The following MYO3A variants were observed in gnomAD, a reference collection of about 807,000 sequenced individuals.
MYO3A encodes myosin IIIA.
A neutral mutation model predicts 192.7 loss-of-function variants in MYO3A; 180 were observed. The observed-to-expected ratio is 0.93, with a 90% CI of 0.83 to 1.06. The LOEUF (loss-of-function observed/expected upper bound fraction) is 1.06. Ranked by LOEUF, MYO3A falls within the 50% of genes least tolerant of loss-of-function variation. The pLI, the probability that MYO3A is intolerant of heterozygous loss-of-function variation, is 0.00. For synonymous variants in MYO3A, 628 were observed against 645.3 expected (o/e 0.97, Z 0.41); for missense variants, 1,896 against 1,905.0 (o/e 1.00, Z 0.09).
At chr10:26,141,526 G>A (rs902612585) in intron 20 of MYO3A, among the ~76,000 whole-genome samples, 1 of 152,146 alleles carries the variant, frequency 6.6e-6, no homozygotes, top group Non-Finnish European at 1.5e-5. Flanking sequence ...ACAGTCAGTG[G>A]ATTTTGACAC....
intron 14 of MYO3A, among the ~76,000 whole-genome samples, chr10:26,082,242 G>T (rs1607902): frequency 0.01 from 1,584 of 152,138 alleles, 15 homozygotes; most frequent in Non-Finnish European, 0.016. Flanking sequence ...TCATTTATTT[G>T]TGTCTTCCTC....
chr10:26,115,935 T>C (rs1197385917), intron 17 of MYO3A, among the ~76,000 whole-genome samples: 2 of 152,204 alleles, frequency 1.3e-5, no homozygotes, highest in Non-Finnish European at 2.9e-5. Flanking sequence ...AAGTGTAATA[T>C]CAAATAAGTA....
At chr10:26,090,040 G>A (rs377219812) in intron 15 of MYO3A, among the ~76,000 whole-genome samples, 20 of 152,316 alleles carry the variant, frequency 1.3e-4, no homozygotes, top group Admixed American at 5.9e-4. Flanking sequence ...TGTCAGTGCC[G>A]TTGCCACCCA....
At chr10:25,989,482 A>T (rs897312653) in intron 4 of MYO3A, among the ~76,000 whole-genome samples, 1 of 151,990 alleles carries the variant, frequency 6.6e-6, no homozygotes, top group Non-Finnish European at 1.5e-5. Flanking sequence ...GGCTGCACAT[A>T]CTCCTGTATA....
At chr10:26,012,599 A>G (rs1392845897) in intron 6 of MYO3A, among the ~76,000 whole-genome samples, 1 of 152,228 alleles carries the variant, frequency 6.6e-6, no homozygotes, top group Non-Finnish European at 1.5e-5. Flanking sequence ...GGTGACACAA[A>G]CAAATGGAAA....
chr10:26,129,369 C>T (rs17739436), intron 20 of MYO3A, among the ~76,000 whole-genome samples: 14,808 of 152,166 alleles, frequency 0.097, 791 homozygotes, highest in Non-Finnish European at 0.12. Flanking sequence ...AGCTCTTTTT[C>T]ATCTATCCCA....
chr10:26,173,332 G>C (rs1403375267), intron 29 of MYO3A, among the ~76,000 whole-genome samples: 1 of 152,038 alleles, frequency 6.6e-6, no homozygotes, highest in East Asian at 1.9e-4. Flanking sequence ...ACTACTAAAG[G>C]TACTTTGTTT....
At chr10:26,123,030 G>A (rs1838973437) in intron 18 of MYO3A, among the ~76,000 whole-genome samples, 2 of 152,118 alleles carry the variant, frequency 1.3e-5, no homozygotes, top group South Asian at 2.1e-4. Flanking sequence ...TAACCATTTT[G>A]GGGAGGAGGA....
At chr10:26,006,448 T>G (rs1841212830) in intron 6 of MYO3A, among the ~76,000 whole-genome samples, 1 of 152,210 alleles carries the variant, frequency 6.6e-6, no homozygotes, top group Admixed American at 6.5e-5. Context: ...AGGAGCTGGT[T>G]TTTTGAAAGG....
chr10:25,967,572 GAT>G (rs1438720616), intron 4 of MYO3A, among the ~76,000 whole-genome samples: 3 of 152,120 alleles, frequency 2.0e-5, no homozygotes, highest in African/African-American at 7.2e-5. Context: ...TAGATCACTA[GAT>G]ATGTGAAGAT....
Position 25,996,580 on chromosome 10 carries a change from C to T in MYO3A, c.394C>T (p.His132Tyr). The part of the protein sequence containing the change: ...MSEPLIAYIL[H>Y]EALMGLQHLH... ...TGAGCCTCTAATTGCCTATATTTTACATGAAGCACTAATGGTAAGGCAATT... is the reference window on the plus strand; with the variant it reads ...TGAGCCTCTAATTGCCTATATTTTATATGAAGCACTAATGGTAAGGCAATT... Residue 132 changes from histidine (H) to tyrosine (Y), a missense_variant, in exon 5 of 35, where the codon CAT (histidine) becomes TAT (tyrosine). By Grantham distance (83) the His-to-Tyr change is moderately conservative. Transcript: ENST00000642920. The T allele has an allele frequency of 1.2e-6, 2 of 1,612,892 alleles. No individual in the cohort carries two copies. Among genetic ancestry groups the T allele is most frequent in the Non-Finnish European group, 8.5e-7 (1 of 1,179,038 alleles).
In MYO3A at chr10:26,174,185, A is replaced by T; in HGVS notation, c.3921A>T (p.Thr1307=). The T allele has an allele frequency of 6.2e-7, 1 of 1,614,244 alleles. No individual in the cohort carries two copies. Among genetic ancestry groups the T allele is most frequent in the Non-Finnish European group, 8.5e-7 (1 of 1,180,040 alleles). ...ACAGCATGGAAAAAGAAAAGAAGAC[A>T]TCTGTAGTTACCCAGCGTGCACCGA... ...NANSMEKEKK[T]SVVTQRAPIC... is the part of the protein sequence containing the mutation. The change falls in exon 30 of 35, where the codon ACA becomes ACT. Residue 1307 remains threonine (T), a synonymous_variant. Transcript: ENST00000642920.
chr10:26,204,889 A>G (rs1589125128), intron 34 of MYO3A, among the ~76,000 whole-genome samples: 1 of 152,244 alleles, frequency 6.6e-6, no homozygotes, highest in East Asian at 1.9e-4. Flanking sequence ...AAGGAAGGTT[A>G]CAGAGACAAA....
chr10:25,958,078 C>T (rs7070774), intron 4 of MYO3A, among the ~76,000 whole-genome samples: 7,351 of 152,152 alleles, frequency 0.048, 641 homozygotes, highest in African/African-American at 0.16. Flanking sequence ...TATACAGAAG[C>T]TCTTTAGTTT....
rs531560842 is a variant in MYO3A, at chr10:26,176,857, TAG to T, written c.4438+15_4438+16del. 12 of 1,613,560 alleles carry T rather than the reference TAG, an allele frequency of 7.4e-6. No individual in the cohort carries two copies. In the South Asian group the frequency reaches 1.1e-4, roughly 15 times the overall value. On this transcript the variant is annotated intron_variant, in intron 31 of 34. Transcript: ENST00000642920. ...GCAGTGCCTCTCAGGTAAAAATCAG[TAG>T]AGTTAGAACTTCCTGAATGGGAAGG...
At chr10:26,081,132 T>G in intron 14 of MYO3A, among the ~76,000 whole-genome samples, 1 of 58,076 alleles carries the variant, frequency 1.7e-5, no homozygotes, top group Non-Finnish European at 4.1e-5. Context: ...TTATATGCCC[T>G]TCCCCCCCCC....
At chr10:26,033,799 A>C (rs1301753375) in intron 10 of MYO3A, among the ~76,000 whole-genome samples, 1 of 152,214 alleles carries the variant, frequency 6.6e-6, no homozygotes, top group Non-Finnish European at 1.5e-5. Flanking sequence ...CAGCACCATG[A>C]GGGATAAACT....
intron 31 of MYO3A, among the ~76,000 whole-genome samples, chr10:26,184,049 C>G (rs1459347501): frequency 1.3e-5 from 2 of 152,188 alleles, no homozygotes; most frequent in African/African-American, 4.8e-5. Context: ...AAGACCCCAT[C>G]TCTTAATAAA....
chr10:26,211,083 G>A (rs1283047261), intron 34 of MYO3A, among the ~76,000 whole-genome samples: 2 of 152,160 alleles, frequency 1.3e-5, no homozygotes, highest in African/African-American at 2.4e-5. Context: ...TGGGTCTCCT[G>A]CACTAGACTA....
Sources: gnomAD v4.1 joint callset for allele counts (sites outside exome capture counted in the v4.1 genomes callset) on GRCh38, gnomAD v4.1.1 for gene constraint, MANE v1.5 for transcripts, NCBI Gene and HGNC (gene_info 2026-07-23, HGNC 2026-07-21) for gene names.